Variants in CHN1 observed in about 807,000 individuals in gnomAD.
CHN1 encodes N-chimaerin.
In CHN1, 37 loss-of-function variants were observed where a neutral mutation model predicts 59.5. The observed-to-expected ratio is 0.62, with a 90% CI of 0.48 to 0.82. The LOEUF (loss-of-function observed/expected upper bound fraction) is 0.82, where lower values mean the gene tolerates loss of function less well. Ranked by LOEUF, CHN1 falls within the 40% of genes least tolerant of loss-of-function variation. The probability of loss-of-function intolerance (pLI) is 0.00; values close to 1 mark genes in which losing one functional copy is unlikely to be tolerated. For missense variants in CHN1, 469 were observed against 571.0 expected (o/e 0.82, Z 1.82); for synonymous variants, 206 against 200.4 (o/e 1.03, Z -0.24).
In CHN1 at chr2:174,799,537, T is replaced by C. The variant is rs1402675925; in HGVS notation, c.*579A>G. The C allele has an allele frequency of 1.9e-6, 1 of 521,184 alleles. No individual in the cohort carries two copies. The highest frequency in any genetic ancestry group is 3.7e-6 in the Non-Finnish European group (1 of 268,226). The allele number at this position is 521,184 out of a possible 1,614,324, so 32.3% of individuals were successfully genotyped here. On this transcript the variant is annotated 3_prime_UTR_variant, in exon 13 of 13. Coordinates refer to ENST00000409900, the MANE Select transcript of CHN1 (RefSeq NM_001822.7). ...TTGGTATGGATAACCTTTATTAAAG[T>C]AACAAATCTGAAAACACATTTTGCT... is the stretch of plus-strand genomic sequence containing the variant.
rs560560358 is a variant in CHN1 at position 174,815,863 on chromosome 2, A to C, written c.713-3381T>G. ...ATTGTAACCTGTAGTCAATTTGTTT[A>C]GATTTAGAATGCTCTTTTGTAGACT... On this transcript the variant is annotated intron_variant, in intron 8 of 12. Coordinates refer to ENST00000409900, the MANE Select transcript of CHN1 (RefSeq NM_001822.7). Among the ~76,000 whole-genome samples the C allele has an allele frequency of 4.7e-4, 72 of 152,226 alleles. 1 individual carries two copies. The highest frequency in any genetic ancestry group is 1.7e-3 in the African/African-American group (72 of 41,528).
At chr2:174,839,883 C>A (rs1204466354) in intron 7 of CHN1, among the ~76,000 whole-genome samples, 1 of 152,068 alleles carries the variant, frequency 6.6e-6, no homozygotes, top group Non-Finnish European at 1.5e-5. Context: ...GGATTATAGG[C>A]ATAAGCCACT....
intron 1 of CHN1, among the ~76,000 whole-genome samples, chr2:175,002,909 A>ATCCATTTCTTCTAACCCTTAGGTACATC (rs1467130557): frequency 3.3e-5 from 5 of 152,202 alleles, no homozygotes; most frequent in Non-Finnish European, 7.3e-5. Flanking sequence ...CTAAAATAAA[A>ATCCATTTCTTCTAACCCTTAGGTACATC]TCCATTTCTT....
At chr2:174,959,291 G>C (rs1251538901) in intron 1 of CHN1, among the ~76,000 whole-genome samples, 2 of 152,068 alleles carry the variant, frequency 1.3e-5, no homozygotes, top group African/African-American at 4.8e-5. Context: ...AAATTATTTT[G>C]GCCTTTCTTA....
At chr2:174,866,822 T>C (rs980231941) in intron 6 of CHN1, among the ~76,000 whole-genome samples, 4 of 152,156 alleles carry the variant, frequency 2.6e-5, no homozygotes, top group East Asian at 1.9e-4. Context: ...TTCTCTCATA[T>C]AGTTTTATAA....
intron 12 of CHN1, 38 bp downstream of exon 12, chr2:174,801,669 A>T (rs1438505551): frequency 1.1e-5 from 15 of 1,415,852 alleles, no homozygotes; most frequent in Non-Finnish European, 1.5e-5. Context: ...TAAAATTTGG[A>T]TGCAATACAA....
At chr2:174,910,793 G>A (rs927339941) in intron 5 of CHN1, among the ~76,000 whole-genome samples, 11 of 151,290 alleles carry the variant, frequency 7.3e-5, no homozygotes, top group African/African-American at 1.5e-4. Flanking sequence ...CCAGCTACTC[G>A]GGAGGCTGAG....
At chr2:174,915,281 AC>A in intron 4 of CHN1, 110 bp from the exon 5 acceptor site, 1 of 823,034 alleles carries the variant, frequency 1.2e-6, no homozygotes, top group African/African-American at 1.7e-5. Context: ...AAGACAAAGT[AC>A]TGCCACATAA....
At chr2:174,978,502 T>C (rs907758039) in intron 1 of CHN1, among the ~76,000 whole-genome samples, 1 of 152,222 alleles carries the variant, frequency 6.6e-6, no homozygotes, top group Non-Finnish European at 1.5e-5. Context: ...CACATGCCAA[T>C]GAAGCCAGCC....
intron 5 of CHN1, among the ~76,000 whole-genome samples, chr2:174,899,553 A>C (rs566863436): frequency 5.9e-5 from 9 of 152,214 alleles, no homozygotes; most frequent in Non-Finnish European, 1.0e-4. Context: ...GTTACCTTTT[A>C]AATGGCTACA....
chr2:174,835,641 A>C (rs1369849045), intron 7 of CHN1, among the ~76,000 whole-genome samples: 3 of 149,806 alleles, frequency 2.0e-5, no homozygotes, highest in Non-Finnish European at 4.4e-5. Flanking sequence ...CTGGTTTACC[A>C]ATCTTTTCTT....
At chr2:174,829,216 A>C (rs1410229504) in intron 7 of CHN1, among the ~76,000 whole-genome samples, 1 of 152,218 alleles carries the variant, frequency 6.6e-6, no homozygotes, top group Non-Finnish European at 1.5e-5. Flanking sequence ...CTCTGTTAAA[A>C]CAGAGATGAA....
intron 3 of CHN1, among the ~76,000 whole-genome samples, chr2:174,928,682 T>C (rs1231417994): frequency 6.6e-6 from 1 of 152,194 alleles, no homozygotes; most frequent in African/African-American, 2.4e-5. Flanking sequence ...CTACCAGTTA[T>C]CTACAAGTTA....
intron 1 of CHN1, among the ~76,000 whole-genome samples, chr2:174,959,039 TTTCTTTTAATA>T (rs1690312282): frequency 6.6e-6 from 1 of 152,196 alleles, no homozygotes. Context: ...AAAGTTTGAA[TTTCTTTTAATA>T]TTCTTTTAAT....
rs1054259401 is a variant in CHN1, at chr2:174,824,330, C to T, written c.712+104G>A. Reference sequence around the variant, plus strand: ...CCTACTGCATGTGCATAAGACCAAACCAGGATCCAGCCTACTGGATATGCA... The same window carrying T: ...CCTACTGCATGTGCATAAGACCAAATCAGGATCCAGCCTACTGGATATGCA... On this transcript the variant is annotated intron_variant, in intron 8 of 12. Coordinates refer to ENST00000409900, the MANE Select transcript of CHN1 (RefSeq NM_001822.7). The T allele has an allele frequency of 4.9e-6, 4 of 811,758 alleles. No individual in the cohort carries two copies. In the African/African-American group the frequency reaches 7.0e-5, roughly 14 times the overall value. The allele number at this position is 811,758 out of a possible 1,614,324, so 50.3% of individuals were successfully genotyped here. A position where few individuals can be genotyped will look rare whatever the true frequency, so the allele number is the denominator to read the frequency against.
At chr2:174,852,308 C>T (rs1366990781) in intron 6 of CHN1, among the ~76,000 whole-genome samples, 2 of 151,536 alleles carry the variant, frequency 1.3e-5, no homozygotes, top group Admixed American at 6.6e-5. Flanking sequence ...AAACCGGTAA[C>T]GAAAACATAA....
chr2:174,888,410 G>GGC (rs1687952290), intron 5 of CHN1, among the ~76,000 whole-genome samples: 1 of 152,132 alleles, frequency 6.6e-6, no homozygotes, highest in Non-Finnish European at 1.5e-5. Context: ...ACCATAAGGC[G>GGC]GCGATTGTAG....
chr2:174,867,854 T>C lies in CHN1; in HGVS notation c.549+9986A>G, dbSNP rs76315488. On this transcript the variant is annotated intron_variant, in intron 6 of 12. Coordinates refer to ENST00000409900, the MANE Select transcript of CHN1 (RefSeq NM_001822.7). ...GGAAGGACAAACAGCAGAATATTAT[T>C]AGTTATATTATCTGTCAATAGTGTG... Among the ~76,000 whole-genome samples, 240 of 152,330 alleles carry C rather than the reference T, an allele frequency of 1.6e-3. 1 individual carries two copies. The highest frequency in any genetic ancestry group is 2.9e-3 in the Non-Finnish European group (200 of 68,018).
intron 3 of CHN1, among the ~76,000 whole-genome samples, chr2:174,944,119 T>A (rs1177141393): frequency 6.6e-6 from 1 of 152,196 alleles, no homozygotes; most frequent in African/African-American, 2.4e-5. Context: ...GGACAGACAT[T>A]TAGGTTTTTT....
Sources: allele counts gnomAD v4.1 joint callset (sites outside exome capture counted in the v4.1 genomes callset), GRCh38; gene constraint gnomAD v4.1.1; transcripts MANE v1.5; gene names NCBI Gene and HGNC (gene_info 2026-07-23, HGNC 2026-07-21).